Variants in STK32B observed in about 807,000 individuals in gnomAD.
STK32B encodes serine/threonine-protein kinase 32B.
Under a neutral mutation model 52.6 loss-of-function variants are expected in STK32B, and 43 were observed. The ratio of observed to expected loss-of-function variants is 0.82; its 90% CI spans 0.64 to 1.05. The LOEUF (loss-of-function observed/expected upper bound fraction) is 1.05. STK32B is among the 50% of genes least tolerant of loss of function. The pLI, the probability that STK32B is intolerant of heterozygous loss-of-function variation, is 0.00. For missense variants in STK32B, 621 were observed against 534.6 expected, an observed-to-expected ratio of 1.16 and a Z score of -1.59; for synonymous variants, 238 against 204.3, an observed-to-expected ratio of 1.17 and a Z score of -1.41.
chr4:5,422,083 C>T (rs972093285), intron 6 of STK32B, among the ~76,000 whole-genome samples: 2 of 152,172 alleles, frequency 1.3e-5, no homozygotes, highest in Non-Finnish European at 2.9e-5. Context: ...ATGGAAAAAG[C>T]TTTTCCAATT....
intron 5 of STK32B, among the ~76,000 whole-genome samples, chr4:5,412,931 G>A (rs1711820410): frequency 6.6e-6 from 1 of 152,050 alleles, no homozygotes; most frequent in South Asian, 2.1e-4. Context: ...AGCCCAGAAG[G>A]TCTGACACAT....
intron 7 of STK32B, among the ~76,000 whole-genome samples, chr4:5,447,954 A>G (rs775643760): frequency 3.3e-5 from 5 of 152,224 alleles, no homozygotes; most frequent in Non-Finnish European, 5.9e-5. Flanking sequence ...ACATACATGC[A>G]TATTCATGCC....
In STK32B at chr4:5,400,021, G is replaced by A. The variant is rs777493945; in HGVS notation, c.472+1777G>A. On this transcript the variant is annotated intron_variant, in intron 5 of 11. Coordinates refer to ENST00000282908, the MANE Select transcript of STK32B (RefSeq NM_018401.3). The surrounding 1 kb of genome is among the most constrained non-coding windows in gnomAD (Gnocchi z 6.1). Reference sequence around the variant, plus strand: ...GTCCTATTAAGAGAGACCGCTAGGGGGAGACTTCCTGGCCCTGCAAAGCGG... The same window carrying A: ...GTCCTATTAAGAGAGACCGCTAGGGAGAGACTTCCTGGCCCTGCAAAGCGG... Among the ~76,000 whole-genome samples the A allele has an allele frequency of 7.2e-5, 11 of 152,146 alleles. 1 individual carries two copies. The highest frequency in any genetic ancestry group is 1.6e-4 in the Non-Finnish European group (11 of 68,014).
intron 1 of STK32B, among the ~76,000 whole-genome samples, chr4:5,109,335 A>T (rs1215737039): frequency 6.6e-6 from 1 of 152,250 alleles, no homozygotes; most frequent in Non-Finnish European, 1.5e-5. Context: ...CAACTATTTT[A>T]TGATAGTCAC....
intron 3 of STK32B, among the ~76,000 whole-genome samples, chr4:5,280,923 GAAACA>G: frequency 6.6e-6 from 1 of 151,886 alleles, no homozygotes; most frequent in Non-Finnish European, 1.5e-5. Flanking sequence ...AAACAAAAAC[GAAACA>G]AAACAAAAAA....
chr4:5,216,982 A>T (rs1200999631), intron 3 of STK32B, among the ~76,000 whole-genome samples: 2 of 152,114 alleles, frequency 1.3e-5, no homozygotes, highest in Non-Finnish European at 2.9e-5. Context: ...TGTGTATGTG[A>T]GTGTGTGTTG....
chr4:5,205,877 T>G (rs1014957029), intron 3 of STK32B, among the ~76,000 whole-genome samples: 3 of 152,188 alleles, frequency 2.0e-5, no homozygotes, highest in Non-Finnish European at 4.4e-5. Context: ...CATCTCAGGT[T>G]ACTGGGACAA....
At chr4:5,289,916 A>G (rs1348226472) in intron 3 of STK32B, among the ~76,000 whole-genome samples, 1 of 151,778 alleles carries the variant, frequency 6.6e-6, no homozygotes, top group African/African-American at 2.4e-5. Context: ...ATATAGGTAA[A>G]TTGTGTGTCA....
intron 1 of STK32B, among the ~76,000 whole-genome samples, chr4:5,054,069 T>C (rs2108752596): frequency 1.3e-5 from 2 of 152,274 alleles, no homozygotes; most frequent in Middle Eastern, 6.8e-3. Flanking sequence ...AAACATTAAC[T>C]TGTTTGATTT....
At chr4:5,020,024 AG>A in the STK32B span, among the ~76,000 whole-genome samples, 102 of 152,182 alleles carry the variant, frequency 6.7e-4, no homozygotes, top group Non-Finnish European at 1.2e-3. Flanking sequence ...CAGGGCCCCC[AG>A]CCTCTCAGAA....
At chr4:5,219,090 C>T (rs568595383) in intron 3 of STK32B, among the ~76,000 whole-genome samples, 11 of 152,354 alleles carry the variant, frequency 7.2e-5, no homozygotes, top group Middle Eastern at 6.8e-3. Context: ...TGGCTCTGTG[C>T]CTTGTGAATG....
chr4:5,054,739 G>A (rs1741932288), intron 1 of STK32B, among the ~76,000 whole-genome samples: 1 of 152,314 alleles, frequency 6.6e-6, no homozygotes, highest in African/African-American at 2.4e-5. Context: ...GTGGTTGAAG[G>A]TTGAAGATGC....
At chr4:5,051,231 T>C (rs544973615), upstream of STK32B, among the ~76,000 whole-genome samples, 2 of 152,242 alleles carry the variant, frequency 1.3e-5, no homozygotes, top group East Asian at 1.9e-4. Context: ...CTCTAAAATA[T>C]GAACGATGCT....
intron 3 of STK32B, among the ~76,000 whole-genome samples, chr4:5,240,454 T>TTTTTG (rs757991715): frequency 1.4e-4 from 21 of 152,212 alleles, no homozygotes; most frequent in Non-Finnish European, 2.9e-4. Context: ...TTAGGGTTCT[T>TTTTTG]TTTTGTTTTG....
the STK32B span, among the ~76,000 whole-genome samples, chr4:5,040,094 C>A: frequency 6.6e-6 from 1 of 152,186 alleles, no homozygotes; most frequent in Non-Finnish European, 1.5e-5. Context: ...GCGGTCGGTG[C>A]ATGTGTCATT....
chr4:5,482,368 A>G (rs56058524), intron 11 of STK32B, among the ~76,000 whole-genome samples: 15,556 of 152,154 alleles, frequency 0.1, 1,190 homozygotes, highest in African/African-American at 0.22. Flanking sequence ...GAGTTCACTC[A>G]TGATTTGGCT....
chr4:5,244,752 G>A (rs1725316863), intron 3 of STK32B, among the ~76,000 whole-genome samples: 2 of 152,070 alleles, frequency 1.3e-5, no homozygotes, highest in South Asian at 4.1e-4. Context: ...CTTTGAATGT[G>A]TCCCAGAGAT....
chr4:5,322,848 C>T (rs944184668), intron 3 of STK32B, among the ~76,000 whole-genome samples: 8 of 152,176 alleles, frequency 5.3e-5, no homozygotes, highest in Admixed American at 1.3e-4. Flanking sequence ...CAGCAACAGG[C>T]ACTGCCTCCC....
intron 3 of STK32B, among the ~76,000 whole-genome samples, chr4:5,191,977 G>A (rs1476654581): frequency 6.6e-6 from 1 of 152,212 alleles, no homozygotes; most frequent in Non-Finnish European, 1.5e-5. Context: ...CACCTTCCCT[G>A]TCCAACCAGA....
Sources: gnomAD v4.1 joint callset for allele counts (sites outside exome capture counted in the v4.1 genomes callset) on GRCh38, gnomAD v4.1.1 for gene constraint, Gnocchi (gnomAD v3.1) non-coding constraint, MANE v1.5 for transcripts, NCBI Gene and HGNC (gene_info 2026-07-23, HGNC 2026-07-21) for gene names.